The following PDE11A variants were observed in gnomAD, a reference collection of about 807,000 sequenced individuals.
PDE11A encodes dual 3',5'-cyclic-AMP and -GMP phosphodiesterase 11A.
Under a neutral mutation model 100.5 loss-of-function variants are expected in PDE11A, and 100 were observed. The ratio of observed to expected loss-of-function variants is 1.00; its 90% CI spans 0.85 to 1.18. PDE11A has a LOEUF of 1.18. Among genes scored for constraint, PDE11A ranks in the 50% most tolerant of loss-of-function variants. PDE11A has a pLI of 0.00. For missense variants in PDE11A, 1,141 were observed against 1,152.6 expected (o/e 0.99, Z 0.15); for synonymous variants, 381 against 420.8 (o/e 0.91, Z 1.16).
chr2:177,840,006 T>C (rs1165177908), intron 6 of PDE11A, among the ~76,000 whole-genome samples: 3 of 152,208 alleles, frequency 2.0e-5, no homozygotes, highest in Non-Finnish European at 2.9e-5. Context: ...AAATAGTTCA[T>C]AGTTTAATAT....
intron 4 of PDE11A, among the ~76,000 whole-genome samples, chr2:177,884,882 C>T (rs1461651061): frequency 6.6e-6 from 1 of 152,030 alleles, no homozygotes; most frequent in African/African-American, 2.4e-5. Context: ...ATCATAGACA[C>T]AAGTGAATGT....
At chr2:177,820,614 C>G (rs2083122813) in intron 6 of PDE11A, among the ~76,000 whole-genome samples, 1 of 151,884 alleles carries the variant, frequency 6.6e-6, no homozygotes, top group South Asian at 2.1e-4. Flanking sequence ...ACAAGAATTC[C>G]AGCAACTGTT....
intron 12 of PDE11A, among the ~76,000 whole-genome samples, chr2:177,719,346 T>A (rs947045017): frequency 1.3e-5 from 2 of 152,162 alleles, no homozygotes; most frequent in African/African-American, 4.8e-5. Flanking sequence ...TCCTAATGGT[T>A]GCAGACACCC....
intron 19 of PDE11A, among the ~76,000 whole-genome samples, chr2:177,637,888 CATAT>C (rs150487131): frequency 4.2e-5 from 5 of 118,584 alleles, no homozygotes; most frequent in African/African-American, 8.0e-5. Context: ...ATCTACTATA[CATAT>C]ATATATATAC....
At chr2:178,021,173 G>A (rs2086406858) in intron 1 of PDE11A, among the ~76,000 whole-genome samples, 1 of 152,110 alleles carries the variant, frequency 6.6e-6, no homozygotes, top group Non-Finnish European at 1.5e-5. Flanking sequence ...TGTTGGCCAG[G>A]CTGGTCTCGA....
chr2:177,932,099 C>T (rs2085215696), intron 2 of PDE11A, among the ~76,000 whole-genome samples: 1 of 152,020 alleles, frequency 6.6e-6, no homozygotes, highest in South Asian at 2.1e-4. Context: ...CACAATCTCT[C>T]AAGATTGAAT....
intron 9 of PDE11A, among the ~76,000 whole-genome samples, chr2:177,779,273 G>A (rs1472878987): frequency 3.9e-5 from 6 of 152,200 alleles, no homozygotes; most frequent in Non-Finnish European, 5.9e-5. Flanking sequence ...TTTTGCTGGT[G>A]GAGGGTCTTG....
At chr2:178,105,774 C>T in intron 1 of PDE11A, 1 of 1,024,552 alleles carries the variant, frequency 9.8e-7, no homozygotes, top group Non-Finnish European at 1.3e-6. Context: ...GGCCAGATCA[C>T]TTCCTCCACC....
chr2:177,912,267 C>T (rs2084891282), intron 2 of PDE11A, among the ~76,000 whole-genome samples: 1 of 152,144 alleles, frequency 6.6e-6, no homozygotes, highest in Non-Finnish European at 1.5e-5. Flanking sequence ...CTACTTCTGT[C>T]CCTGAGTATT....
intron 19 of PDE11A, among the ~76,000 whole-genome samples, chr2:177,660,149 C>T (rs2080464112): frequency 1.8e-5 from 1 of 55,048 alleles, no homozygotes; most frequent in Admixed American, 2.5e-4. Flanking sequence ...CTCTCTCTTT[C>T]TTTCTTCTCT....
Position 177,623,440 on chromosome 2 carries a change from T to C in PDE11A, c.*5967A>G, listed in dbSNP as rs576746711. ...AACTCAATTGAAAACGTATTTCCTT[T>C]CTTTCGTGTAAAACAATAATAATTA... On this transcript the variant is annotated 3_prime_UTR_variant, in exon 20 of 20. Transcript: ENST00000286063. The C allele has an allele frequency of 6.6e-6, 1 of 152,348 alleles. No individual in the cohort carries two copies. Among genetic ancestry groups the C allele is most frequent in the Admixed American group, 6.5e-5 (1 of 15,308 alleles). The allele number at this position is 152,348 out of a possible 1,614,324, so 9.4% of individuals were successfully genotyped here.
chr2:177,766,607 A>C (rs1574120438), intron 10 of PDE11A, among the ~76,000 whole-genome samples: 1 of 152,222 alleles, frequency 6.6e-6, no homozygotes, highest in Non-Finnish European at 1.5e-5. Context: ...ATGTTAGAAA[A>C]CTGCCATTGC....
intron 19 of PDE11A, among the ~76,000 whole-genome samples, chr2:177,632,877 C>G (rs2079975045): frequency 6.6e-6 from 1 of 152,134 alleles, no homozygotes; most frequent in Non-Finnish European, 1.5e-5. Context: ...GAGAGTAATC[C>G]AGTTTTCTCC....
rs542108104 is a variant in PDE11A, at chr2:177,876,966, A to G, written c.1303-1043T>C. Among the ~76,000 whole-genome samples the G allele has an allele frequency of 4.7e-4, 70 of 148,056 alleles. 6 individuals carry two copies. Among genetic ancestry groups the G allele is most frequent in the Admixed American group, 1.9e-3 (28 of 15,028 alleles). ...CCATATAAAGTATGAGACTCAAAGG[A>G]GGGCCAGATGGTTGAAGCTTAAATA... On this transcript the variant is annotated intron_variant, in intron 4 of 19. Coordinates refer to ENST00000286063, the MANE Select transcript of PDE11A (RefSeq NM_016953.4).
chr2:177,752,411 C>G (rs1339509990), intron 10 of PDE11A, among the ~76,000 whole-genome samples: 2 of 152,156 alleles, frequency 1.3e-5, no homozygotes, highest in Non-Finnish European at 2.9e-5. Context: ...CTGTGACCTT[C>G]CGTGACTTAT....
chr2:177,858,669 A>G (rs1373628199), intron 5 of PDE11A, among the ~76,000 whole-genome samples: 5 of 152,236 alleles, frequency 3.3e-5, no homozygotes, highest in Non-Finnish European at 5.9e-5. Flanking sequence ...TAGTTCAACC[A>G]TTGCGGAAGT....
intron 12 of PDE11A, among the ~76,000 whole-genome samples, chr2:177,713,443 G>A (rs1228986733): frequency 6.6e-6 from 1 of 152,062 alleles, no homozygotes; most frequent in African/African-American, 2.4e-5. Flanking sequence ...TGCATATGCC[G>A]GCCAGGCACG....
At chr2:177,942,686 A>T (rs1163630946) in intron 2 of PDE11A, among the ~76,000 whole-genome samples, 1 of 152,140 alleles carries the variant, frequency 6.6e-6, no homozygotes, top group Admixed American at 6.6e-5. Context: ...TATAGGAATG[A>T]GCCACCGCAC....
chr2:177,901,255 C>CA (rs1574264327), intron 3 of PDE11A, among the ~76,000 whole-genome samples: 1 of 152,050 alleles, frequency 6.6e-6, no homozygotes, highest in Non-Finnish European at 1.5e-5. Flanking sequence ...TGACCCCCCC[C>CA]ATCCATGAGC....
Sources: gnomAD v4.1 joint callset for allele counts (sites outside exome capture counted in the v4.1 genomes callset) on GRCh38, gnomAD v4.1.1 for gene constraint, MANE v1.5 for transcripts, NCBI Gene and HGNC (gene_info 2026-07-23, HGNC 2026-07-21) for gene names.